RABL3: variants seen among roughly 807,000 people sequenced by gnomAD.
The protein encoded by RABL3 is RAB, member of RAS oncogene family like 3.
In RABL3, 31 loss-of-function variants were observed where a neutral mutation model predicts 31.8. The ratio of observed to expected loss-of-function variants is 0.97; its 90% CI spans 0.73 to 1.31. The LOEUF is 1.31. Among genes scored for constraint, RABL3 ranks in the 40% most tolerant of loss-of-function variants. The probability of loss-of-function intolerance (pLI) is 0.00; values close to 1 mark genes in which losing one functional copy is unlikely to be tolerated. For synonymous variants in RABL3, 97 were observed against 99.9 expected (o/e 0.97, Z 0.18); for missense variants, 263 against 279.6 (o/e 0.94, Z 0.42).
intron 4 of RABL3, among the ~76,000 whole-genome samples, chr3:120,699,363 T>C (rs1708470954): frequency 6.6e-6 from 1 of 152,214 alleles, no homozygotes; most frequent in South Asian, 2.1e-4. Flanking sequence ...ACAATCCTTA[T>C]TTTTTAAAAA....
intron 2 of RABL3, among the ~76,000 whole-genome samples, chr3:120,711,053 G>C (rs554654551): frequency 6.6e-6 from 1 of 152,168 alleles, no homozygotes; most frequent in East Asian, 1.9e-4. Context: ...CTCGTGTCTT[G>C]CAACATTTTT....
At chr3:120,720,311 G>T (rs185691032) in intron 2 of RABL3, among the ~76,000 whole-genome samples, 1 of 152,170 alleles carries the variant, frequency 6.6e-6, no homozygotes, top group Middle Eastern at 3.2e-3. Context: ...GCTCATCACC[G>T]ACAATGGAGC....
chr3:120,695,857 A>C (rs1708430215), intron 5 of RABL3, among the ~76,000 whole-genome samples: 1 of 152,184 alleles, frequency 6.6e-6, no homozygotes, highest in South Asian at 2.1e-4. Flanking sequence ...AAGCAAACAA[A>C]AAAACACCCC....
chr3:120,738,458 C>T (rs1307055680), intron 1 of RABL3: 1 of 151,894 alleles, frequency 6.6e-6, no homozygotes, highest in African/African-American at 2.4e-5. Context: ...CTTTGGCTCA[C>T]ACACAGTGGG....
At chr3:120,713,960 G>A (rs1708639979) in intron 2 of RABL3, among the ~76,000 whole-genome samples, 1 of 151,994 alleles carries the variant, frequency 6.6e-6, no homozygotes. Flanking sequence ...ACAGGCACAT[G>A]TCACCACGTC....
chr3:120,694,242 A>G lies in RABL3; in HGVS notation c.535-18T>C, dbSNP rs367700472. On this transcript the variant is annotated intron_variant, in intron 5 of 7. Coordinates refer to ENST00000273375, the MANE Select transcript of RABL3 (RefSeq NM_173825.5). Reference sequence around the variant, plus strand: ...GTGCAGTCCTAGAAGATAAAACATAAGATCCACAATTGAAAGTTAGGAAAC... The same window carrying G: ...GTGCAGTCCTAGAAGATAAAACATAGGATCCACAATTGAAAGTTAGGAAAC... The G allele has an allele frequency of 6.3e-7, 1 of 1,579,158 alleles. No individual in the cohort carries two copies. The highest frequency in any genetic ancestry group is 1.4e-5 in the African/African-American group (1 of 74,066).
intron 6 of RABL3, among the ~76,000 whole-genome samples, chr3:120,693,854 A>C (rs1353313860): frequency 1.3e-5 from 2 of 152,192 alleles, no homozygotes. Context: ...ATAAGTGAAA[A>C]AAAGAGCTAG....
intron 2 of RABL3, among the ~76,000 whole-genome samples, chr3:120,714,783 C>A (rs1328026679): frequency 6.6e-6 from 1 of 152,124 alleles, no homozygotes; most frequent in Non-Finnish European, 1.5e-5. Context: ...AAATTCTCAT[C>A]TCTCTTTGCT....
At chr3:120,739,857 A>C (rs913922176) in intron 1 of RABL3, among the ~76,000 whole-genome samples, 1 of 152,200 alleles carries the variant, frequency 6.6e-6, no homozygotes, top group African/African-American at 2.4e-5. Context: ...TGTTAGGGTA[A>C]ACATTTCCAG....
At chr3:120,705,739 G>A (rs1021123046) in intron 4 of RABL3, among the ~76,000 whole-genome samples, 15 of 152,066 alleles carry the variant, frequency 9.9e-5, no homozygotes, top group Admixed American at 2.6e-4. Context: ...GAAAACATAA[G>A]AGAAAACCTG....
Position 120,688,838 on chromosome 3 carries a change from G to C in RABL3, c.*985C>G, listed in dbSNP as rs759976395. 2 of 152,134 alleles carry C rather than the reference G, an allele frequency of 1.3e-5. No homozygotes were observed. Among genetic ancestry groups the C allele is most frequent in the Non-Finnish European group, 2.9e-5 (2 of 68,020 alleles). 9.4% of individuals were successfully genotyped at this position (152,134 alleles called of 1,614,324 possible). Reference sequence around the variant, plus strand: ...CACCATCCCCAAAAAGCTTTGGAGTGATTATGAAATCCAAGAATCCTAGTT... The same window carrying C: ...CACCATCCCCAAAAAGCTTTGGAGTCATTATGAAATCCAAGAATCCTAGTT... On this transcript the variant is annotated 3_prime_UTR_variant, in exon 8 of 8. Transcript: ENST00000273375.
At position 120,735,366 on chromosome 3, in the gene RABL3, T is replaced by C. The variant is rs538146601; in HGVS notation, c.47-4579A>G. ...TTTAGTATTCTCTGATGGTAGTTTG[T>C]ATTTCTGTGGGATCGGTGGTGATAT... is the stretch of plus-strand genomic sequence containing the variant. On this transcript the variant is annotated intron_variant, in intron 1 of 7. Coordinates refer to ENST00000273375, the MANE Select transcript of RABL3 (RefSeq NM_173825.5). Among the ~76,000 whole-genome samples the C allele has an allele frequency of 4.6e-5, 7 of 152,356 alleles. No homozygotes were observed. In the South Asian group the frequency reaches 1.0e-3, roughly 23 times the overall value.
chr3:120,712,474 T>C (rs1283490349), intron 2 of RABL3, among the ~76,000 whole-genome samples: 8 of 152,086 alleles, frequency 5.3e-5, no homozygotes, highest in Non-Finnish European at 1.2e-4. Flanking sequence ...CAGTATGAGG[T>C]CTTATAAAGA....
At chr3:120,698,698 C>T in intron 4 of RABL3, 125 bp from the exon 5 acceptor site, 1 of 762,448 alleles carries the variant, frequency 1.3e-6, no homozygotes, top group Non-Finnish European at 2.1e-6. Context: ...CCTTCACCTA[C>T]AAACCTACTT....
chr3:120,740,907 T>A (rs1327375811), intron 1 of RABL3, among the ~76,000 whole-genome samples: 1 of 152,214 alleles, frequency 6.6e-6, no homozygotes, highest in African/African-American at 2.4e-5. Flanking sequence ...GCCTGATTAC[T>A]TTTCCACATT....
Position 120,687,145 on chromosome 3 carries a change from A to C in RABL3, c.*2678T>G, listed in dbSNP as rs982512906. ...GATTCCAGCTAAGTCTTATACACCT[A>C]AGGGACAGAGGAGTAGTCATATATA... On this transcript the variant is annotated 3_prime_UTR_variant, in exon 8 of 8. Transcript: ENST00000273375. 1 of 152,220 alleles carries C rather than the reference A, an allele frequency of 6.6e-6. No individual in the cohort carries two copies. The highest frequency in any genetic ancestry group is 1.9e-4 in the East Asian group (1 of 5,200). The allele number at this position is 152,220 out of a possible 1,614,324, so 9.4% of individuals were successfully genotyped here. A position where few individuals can be genotyped will look rare whatever the true frequency, so the allele number is the denominator to read the frequency against.
intron 1 of RABL3, among the ~76,000 whole-genome samples, chr3:120,737,720 T>C (rs951199707): frequency 6.6e-6 from 1 of 152,188 alleles, no homozygotes; most frequent in Non-Finnish European, 1.5e-5. Flanking sequence ...GTCCTTTCTG[T>C]TTGTCAGTTT....
At position 120,698,553 on chromosome 3, in the gene RABL3, A is replaced by G; in HGVS notation, c.404T>C (p.Phe135Ser). 6.2e-7 allele frequency: 1 copy of G among 1,612,166 alleles called. No individual in the cohort carries two copies. Among genetic ancestry groups the G allele is most frequent in the East Asian group, 2.2e-5 (1 of 44,794 alleles). ...VTNGDYDQEQ[F>S]ADNQIPLLVI... ...CAACAGTGGTATTTGGTTATCAGCA[A>G]ACTGTTCTTGATCATAATCCCTGTG... Residue 135 changes from phenylalanine to serine, a missense_variant, in exon 5 of 8, where the codon TTT becomes TCT. Coordinates refer to ENST00000273375, the MANE Select transcript of RABL3 (RefSeq NM_173825.5).
At position 120,689,776 on chromosome 3, in the gene RABL3, T is replaced by G. The variant is rs759638903; in HGVS notation, c.*47A>C. The G allele has an allele frequency of 2.0e-5, 26 of 1,313,384 alleles. No homozygotes were observed. The South Asian group carries it at 2.6e-4, about 13-fold the overall frequency. 81.4% of individuals were successfully genotyped at this position (1,313,384 alleles called of 1,614,324 possible). ...TAATTGAACACAGCAAGATGAGCTG[T>G]GAAAAACTGCCACTGCTTGCTCACT... On this transcript the variant is annotated 3_prime_UTR_variant, in exon 8 of 8. Coordinates refer to ENST00000273375, the MANE Select transcript of RABL3 (RefSeq NM_173825.5).
Sources: gnomAD v4.1 joint callset for allele counts (sites outside exome capture counted in the v4.1 genomes callset) on GRCh38, gnomAD v4.1.1 for gene constraint, MANE v1.5 for transcripts, NCBI Gene and HGNC (gene_info 2026-07-23, HGNC 2026-07-21) for gene names.